Variants in AGO2 observed in about 807,000 individuals in gnomAD.
AGO2 encodes argonaute RISC catalytic component 2.
A neutral mutation model predicts 102.3 loss-of-function variants in AGO2; 5 were observed. The ratio of observed to expected loss-of-function variants is 0.05; its 90% confidence interval spans 0.03 to 0.10. The LOEUF (loss-of-function observed/expected upper bound fraction) is 0.10. Among genes scored for constraint, AGO2 ranks in the 10% least tolerant of loss-of-function variants. The probability of loss-of-function intolerance (pLI) is 1.00; values close to 1 mark genes in which losing one functional copy is unlikely to be tolerated. For missense variants in AGO2, 541 were observed against 1,183.7 expected (o/e 0.46, Z 7.97); for synonymous variants, 449 against 473.1 (o/e 0.95, Z 0.66).
At chr8:140,624,067 C>T (rs1392182772) in intron 1 of AGO2, among the ~76,000 whole-genome samples, 3 of 151,984 alleles carry the variant, frequency 2.0e-5, no homozygotes, top group Non-Finnish European at 2.9e-5. Context: ...GCAGGGCGAG[C>T]GCGATGGACC....
At chr8:140,538,580 G>A (rs925904809) in intron 16 of AGO2, among the ~76,000 whole-genome samples, 5 of 152,282 alleles carry the variant, frequency 3.3e-5, no homozygotes, top group African/African-American at 7.2e-5. Flanking sequence ...GTACCATGGC[G>A]CTTCAACGCC....
At chr8:140,566,418 A>C (rs1348138295) in intron 3 of AGO2, among the ~76,000 whole-genome samples, 1 of 152,358 alleles carries the variant, frequency 6.6e-6, no homozygotes, top group South Asian at 2.1e-4. Flanking sequence ...TGGCTAATAC[A>C]GCACCATTAA....
Position 140,598,578 on chromosome 8 carries a change from G to A in AGO2, c.23-13267C>T, listed in dbSNP as rs1180741017. 4.6e-5 allele frequency among the ~76,000 whole-genome samples: 7 copies of A among 152,158 alleles called. No homozygotes were observed. The South Asian group carries it at 1.0e-3, about 22-fold the overall frequency. On this transcript the variant is annotated intron_variant, in intron 1 of 18. Coordinates refer to ENST00000220592, the MANE Select transcript of AGO2 (RefSeq NM_012154.5). ...ACTCTGCGCGGCAGCACCGCACCCC[G>A]GAGCCGCAGCTCTTCCTCCCGCTTG...
chr8:140,637,825 T>G (rs2074420454), upstream of AGO2: 1 of 151,558 alleles, frequency 6.6e-6, no homozygotes, highest in African/African-American at 2.4e-5. Flanking sequence ...AGAACTGCAG[T>G]CCCCTCTGCC....
chr8:140,620,797 C>G (rs893754373), intron 1 of AGO2, among the ~76,000 whole-genome samples: 14 of 152,086 alleles, frequency 9.2e-5, no homozygotes, highest in Non-Finnish European at 2.1e-4. Flanking sequence ...AGAGGCTGCA[C>G]TGAGCTGAGA....
chr8:140,531,891 C>T lies in AGO2; in HGVS notation c.*153G>A, dbSNP rs897919164. On this transcript the variant is annotated 3_prime_UTR_variant, in exon 19 of 19. Transcript: ENST00000220592. ...CAAAATCCAAGTTTGAAATCTGGGA[C>T]GGAAGGCATTCTGGAAAACGGAGAA... 20 of 666,834 alleles carry T rather than the reference C, an allele frequency of 3.0e-5. No homozygotes were observed. Among genetic ancestry groups the T allele is most frequent in the Non-Finnish European group, 4.4e-5 (17 of 388,096 alleles). 41.3% of individuals were successfully genotyped at this position (666,834 alleles called of 1,614,324 possible).
rs1169862162 is a variant in AGO2, at chr8:140,541,330, T to C, written c.1868A>G (p.Asn623Ser). The change falls in exon 15 of 19, where the codon AAT becomes AGT. Residue 623 changes from asparagine (N) to serine (S), a missense_variant. Coordinates refer to ENST00000220592, the MANE Select transcript of AGO2 (RefSeq NM_012154.5). ...CACGCGCACGGTGGCGCAGTAGCGA[T>C]TGGGGTGGGCGTCCATGCTGCCCAC... ...AVVGSMDAHP[N>S]RYCATVRVQQ... 1.2e-6 allele frequency: 2 copies of C among 1,610,728 alleles called. No individual in the cohort carries two copies. Among genetic ancestry groups the C allele is most frequent in the Non-Finnish European group, 1.7e-6 (2 of 1,179,228 alleles).
At chr8:140,541,078 G>T in intron 15 of AGO2, 86 bp downstream of exon 15, 1 of 1,368,782 alleles carries the variant, frequency 7.3e-7, no homozygotes. Context: ...CATCATTCTT[G>T]CCATTCATCG....
intron 1 of AGO2, among the ~76,000 whole-genome samples, chr8:140,602,835 G>A (rs2073949841): frequency 6.6e-6 from 1 of 152,142 alleles, no homozygotes; most frequent in Non-Finnish European, 1.5e-5. Flanking sequence ...TGAAAATCAA[G>A]CAGACAAAAT....
chr8:140,603,888 G>A (rs974629797), intron 1 of AGO2, among the ~76,000 whole-genome samples: 4 of 152,222 alleles, frequency 2.6e-5, no homozygotes, highest in Non-Finnish European at 5.9e-5. Flanking sequence ...TGACTGTTCC[G>A]CATCCCTCAG....
upstream of AGO2, chr8:140,637,559 CGGAG>C (rs2074418974): frequency 6.6e-6 from 1 of 152,278 alleles, no homozygotes; most frequent in African/African-American, 2.4e-5. Context: ...CCTCTGCTGG[CGGAG>C]GGGTGCCATT....
intron 1 of AGO2, among the ~76,000 whole-genome samples, chr8:140,618,782 T>C (rs1315679799): frequency 6.6e-6 from 1 of 151,632 alleles, no homozygotes; most frequent in East Asian, 1.9e-4. Flanking sequence ...ATTGTATTAC[T>C]GCACTCCAGC....
At chr8:140,555,750 C>T (rs761193820) in intron 10 of AGO2, 146 bp downstream of exon 10, 30 of 1,185,164 alleles carry the variant, frequency 2.5e-5, no homozygotes, top group East Asian at 7.9e-5. Flanking sequence ...TGAAATCTCA[C>T]GTCTTTTACA....
At chr8:140,532,217 C>T (rs758491602) in intron 18 of AGO2, 65 bp from the exon 19 acceptor site, 59 of 1,502,606 alleles carry the variant, frequency 3.9e-5, no homozygotes, top group Non-Finnish European at 5.1e-5. Context: ...GGCAGTGCGT[C>T]GATCACTAAG....
chr8:140,612,398 A>G (rs2074092516), intron 1 of AGO2, among the ~76,000 whole-genome samples: 1 of 152,200 alleles, frequency 6.6e-6, no homozygotes, highest in South Asian at 2.1e-4. Flanking sequence ...GACAAAACAC[A>G]TGGGAGACAG....
chr8:140,526,420 T>A lies in AGO2; in HGVS notation c.*5624A>T, dbSNP rs1464196916. The A allele has an allele frequency of 6.6e-6, 1 of 152,048 alleles. No homozygotes were observed. The highest frequency in any genetic ancestry group is 1.9e-4 in the East Asian group (1 of 5,170). The allele number at this position is 152,048 out of a possible 1,614,324, so 9.4% of individuals were successfully genotyped here. On this transcript the variant is annotated 3_prime_UTR_variant, in exon 19 of 19. Coordinates refer to ENST00000220592, the MANE Select transcript of AGO2 (RefSeq NM_012154.5). The surrounding 1 kb of genome is among the most constrained non-coding windows in gnomAD (Gnocchi z 5.2). The stretch of plus-strand genomic sequence containing the variant: ...CATGCCATTCGTGCCGGCCGTAGAA[T>A]CCTAGAATCTCAAAGCTGCGCAGAA...
In AGO2 at chr8:140,528,452, CG is replaced by C. The variant is rs1424872678; in HGVS notation, c.*3591del. ...ATCTGTTCTAATGGGCACTCCGTCACGGGGGTAAACATTAGTGATAGCAGTT... is the reference window on the plus strand; with the variant it reads ...ATCTGTTCTAATGGGCACTCCGTCACGGGGTAAACATTAGTGATAGCAGTT... On this transcript the variant is annotated 3_prime_UTR_variant, in exon 19 of 19. Transcript: ENST00000220592. The surrounding 1 kb of genome is among the most constrained non-coding windows in gnomAD (Gnocchi z 4.5). The C allele has an allele frequency of 3.3e-5, 5 of 152,294 alleles. No individual in the cohort carries two copies. The South Asian group carries it at 1.0e-3, about 32-fold the overall frequency. The allele number at this position is 152,294 out of a possible 1,614,324, so 9.4% of individuals were successfully genotyped here. A position where few individuals can be genotyped will look rare whatever the true frequency, so the allele number is the denominator to read the frequency against.
In AGO2 at chr8:140,570,391, A is replaced by ATT. The variant is rs5895644; in HGVS notation, c.336+2419_336+2420dup. 5.1e-3 allele frequency among the ~76,000 whole-genome samples: 752 copies of ATT among 147,554 alleles called. 3 individuals are homozygous for ATT. Among genetic ancestry groups the ATT allele is most frequent in the Non-Finnish European group, 7.2e-3 (480 of 66,716 alleles). ...TAGGCGTGTGCCCCTATGCTTGGCT[A>ATT]TTTTTTTTTTGTATTTTTAGTACAG... On this transcript the variant is annotated intron_variant, in intron 3 of 18. Coordinates refer to ENST00000220592, the MANE Select transcript of AGO2 (RefSeq NM_012154.5).
intron 10 of AGO2, among the ~76,000 whole-genome samples, chr8:140,552,729 C>CGCGT (rs1554702379): frequency 4.0e-5 from 3 of 74,466 alleles, no homozygotes; most frequent in African/African-American, 1.0e-4. Context: ...CGCACATGCA[C>CGCGT]GCGCGCGCGC....
Sources: gnomAD v4.1 joint callset for allele counts (sites outside exome capture counted in the v4.1 genomes callset) on GRCh38, gnomAD v4.1.1 for gene constraint, Gnocchi (gnomAD v3.1) non-coding constraint, MANE v1.5 for transcripts, NCBI Gene and HGNC (gene_info 2026-07-23, HGNC 2026-07-21) for gene names.